Variants in ZNF407 observed in about 807,000 individuals in gnomAD.
The protein encoded by ZNF407 is zinc finger protein 407.
A neutral mutation model predicts 131.2 loss-of-function variants in ZNF407; 17 were observed. The ratio of observed to expected loss-of-function variants is 0.13; its 90% CI spans 0.09 to 0.19. ZNF407 has a LOEUF of 0.19. ZNF407 is among the 10% of genes least tolerant of loss of function. The pLI, the probability that ZNF407 is intolerant of heterozygous loss-of-function variation, is 1.00. For synonymous variants in ZNF407, 1,156 were observed against 1,062.0 expected (o/e 1.09, Z -1.72); for missense variants, 2,681 against 2,830.6 (o/e 0.95, Z 1.20).
intron 3 of ZNF407, among the ~76,000 whole-genome samples, chr18:74,673,652 C>T (rs897501454): frequency 1.8e-4 from 28 of 152,156 alleles, no homozygotes; most frequent in African/African-American, 6.5e-4. Flanking sequence ...ATTTAGATCA[C>T]CCATGCATTT....
At chr18:75,039,420 C>T (rs1332351371) in intron 8 of ZNF407, among the ~76,000 whole-genome samples, 2 of 152,180 alleles carry the variant, frequency 1.3e-5, no homozygotes, top group Non-Finnish European at 2.9e-5. Flanking sequence ...GGACGTGTCT[C>T]ATCATTCTTA....
chr18:74,875,076 G>A (rs1971137524), intron 4 of ZNF407, among the ~76,000 whole-genome samples: 1 of 152,160 alleles, frequency 6.6e-6, no homozygotes, highest in African/African-American at 2.4e-5. Context: ...GAGTTGCTGT[G>A]TGAAGGCAAA....
intron 4 of ZNF407, among the ~76,000 whole-genome samples, chr18:74,854,996 T>G (rs764755803): frequency 6.6e-6 from 1 of 152,222 alleles, no homozygotes; most frequent in South Asian, 2.1e-4. Context: ...TATATAGTTT[T>G]CAATTTCCAG....
chr18:74,923,039 G>T (rs1971867418), intron 8 of ZNF407, among the ~76,000 whole-genome samples: 1 of 152,162 alleles, frequency 6.6e-6, no homozygotes, highest in African/African-American at 2.4e-5. Context: ...AGCATAAATG[G>T]TTGCACAGTT....
chr18:74,873,980 C>T (rs1568250153), intron 4 of ZNF407, among the ~76,000 whole-genome samples: 1 of 152,124 alleles, frequency 6.6e-6, no homozygotes, highest in African/African-American at 2.4e-5. Flanking sequence ...CTTTTGAAAC[C>T]TTTAAGATCT....
chr18:75,004,540 A>G (rs1972885175), intron 8 of ZNF407, among the ~76,000 whole-genome samples: 1 of 152,138 alleles, frequency 6.6e-6, no homozygotes, highest in African/African-American at 2.4e-5. Flanking sequence ...GCGCAGAGCC[A>G]GGGTCACTCA....
chr18:75,025,169 C>T (rs1462984992), intron 8 of ZNF407, among the ~76,000 whole-genome samples: 1 of 152,136 alleles, frequency 6.6e-6, no homozygotes, highest in Admixed American at 6.5e-5. Flanking sequence ...CAAATTAACA[C>T]TTTAAAATGC....
chr18:74,764,856 G>A (rs1479077923), intron 3 of ZNF407, among the ~76,000 whole-genome samples: 3 of 152,118 alleles, frequency 2.0e-5, no homozygotes, highest in Non-Finnish European at 4.4e-5. Context: ...CTTGATAAAA[G>A]AAATTGTTAT....
intron 8 of ZNF407, among the ~76,000 whole-genome samples, chr18:74,970,701 G>T (rs1025732509): frequency 3.3e-5 from 5 of 152,224 alleles, no homozygotes; most frequent in African/African-American, 9.6e-5. Context: ...TCCTGGGCTG[G>T]TGTTGAGTGT....
chr18:74,628,768 T>TGGG (rs905431899), intron 1 of ZNF407, among the ~76,000 whole-genome samples: 2 of 151,912 alleles, frequency 1.3e-5, no homozygotes, highest in Non-Finnish European at 2.9e-5. Flanking sequence ...TTTTTAGAGC[T>TGGG]GGGGTCTTGC....
chr18:74,997,741 A>G (rs1972795888), intron 8 of ZNF407, among the ~76,000 whole-genome samples: 1 of 152,150 alleles, frequency 6.6e-6, no homozygotes, highest in Non-Finnish European at 1.5e-5. Flanking sequence ...CATTTGTTTC[A>G]TGGTGAAAAG....
chr18:74,810,618 G>T (rs1970179962), intron 4 of ZNF407, among the ~76,000 whole-genome samples: 1 of 152,006 alleles, frequency 6.6e-6, no homozygotes, highest in South Asian at 2.1e-4. Context: ...TAAACTTCTG[G>T]TATTCTCTGT....
chr18:75,048,242 A>G lies in ZNF407; in HGVS notation c.5429-14908A>G, dbSNP rs1369631710. On this transcript the variant is annotated intron_variant, in intron 8 of 8. Transcript: ENST00000299687. The surrounding 1 kb of genome is among the most constrained non-coding windows in gnomAD (Gnocchi z 4.1). ...TCTCAATGGTATTCTGATTTCACTG[A>G]TTAATTTCGTGGTCTTTCTGGTATT... 6.6e-6 allele frequency among the ~76,000 whole-genome samples: 1 copy of G among 152,130 alleles called. No individual in the cohort carries two copies. The highest frequency in any genetic ancestry group is 1.5e-5 in the Non-Finnish European group (1 of 68,038).
intron 8 of ZNF407, among the ~76,000 whole-genome samples, chr18:74,961,737 G>A (rs931484282): frequency 1.3e-5 from 2 of 150,922 alleles, no homozygotes; most frequent in African/African-American, 4.9e-5. Flanking sequence ...AAAAAAGTTT[G>A]CAAAGTGCCC....
At chr18:75,035,416 G>C (rs772888775) in intron 8 of ZNF407, among the ~76,000 whole-genome samples, 3 of 152,164 alleles carry the variant, frequency 2.0e-5, no homozygotes, top group Non-Finnish European at 2.9e-5. Context: ...TGTCATATCA[G>C]GAAACAAAGC....
chr18:74,905,038 A>G (rs1971577132), intron 7 of ZNF407, among the ~76,000 whole-genome samples: 1 of 152,166 alleles, frequency 6.6e-6, no homozygotes, highest in South Asian at 2.1e-4. Flanking sequence ...GTTTTCTTTT[A>G]TGCAGTACAG....
intron 8 of ZNF407, among the ~76,000 whole-genome samples, chr18:75,040,331 T>C (rs1370800543): frequency 6.6e-6 from 1 of 152,198 alleles, no homozygotes; most frequent in Non-Finnish European, 1.5e-5. Context: ...GGAACAGTCA[T>C]ATAACGAGAA....
At chr18:74,751,653 C>G (rs1220561625) in intron 3 of ZNF407, among the ~76,000 whole-genome samples, 1 of 151,888 alleles carries the variant, frequency 6.6e-6, no homozygotes, top group Admixed American at 6.6e-5. Flanking sequence ...ATAGTTTGCT[C>G]AAAATGATGG....
At chr18:74,876,753 G>A (rs1303656650) in intron 4 of ZNF407, among the ~76,000 whole-genome samples, 2 of 152,210 alleles carry the variant, frequency 1.3e-5, no homozygotes, top group Non-Finnish European at 2.9e-5. Flanking sequence ...GCAGCGTAGT[G>A]CTGCAAGGCC....
Sources: gnomAD v4.1 joint callset for allele counts (sites outside exome capture counted in the v4.1 genomes callset) on GRCh38, gnomAD v4.1.1 for gene constraint, Gnocchi (gnomAD v3.1) non-coding constraint, MANE v1.5 for transcripts, NCBI Gene and HGNC (gene_info 2026-07-23, HGNC 2026-07-21) for gene names.